Variants in GBE1 observed in about 807,000 individuals in gnomAD.
GBE1 encodes 1,4-alpha-glucan branching enzyme 1, also known as 1,4-alpha-glucan-branching enzyme.
Under a neutral mutation model 88.8 loss-of-function variants are expected in GBE1, and 70 were observed. The observed-to-expected ratio is 0.79, with a 90% CI of 0.65 to 0.96. The LOEUF (loss-of-function observed/expected upper bound fraction) is 0.96, where lower values mean the gene tolerates loss of function less well. GBE1 is among the 40% of genes least tolerant of loss of function. The probability of loss-of-function intolerance (pLI) is 0.00; values close to 1 mark genes in which losing one functional copy is unlikely to be tolerated. For synonymous variants in GBE1, 284 were observed against 300.1 expected (o/e 0.95, Z 0.56); for missense variants, 872 against 871.0 (o/e 1.00, Z -0.01).
intron 1 of GBE1, among the ~76,000 whole-genome samples, chr3:81,739,652 CACAATAAT>C (rs1706319151): frequency 6.6e-6 from 1 of 152,102 alleles, no homozygotes. Context: ...GCTTAGGTAA[CACAATAAT>C]GTGGTCACGG....
chr3:81,625,473 C>A (rs566756942), intron 7 of GBE1, among the ~76,000 whole-genome samples: 9 of 151,850 alleles, frequency 5.9e-5, no homozygotes, highest in Admixed American at 5.3e-4. Context: ...GTGTCTCACT[C>A]TGTTGCCCAG....
At chr3:81,678,147 G>C in intron 2 of GBE1, among the ~76,000 whole-genome samples, 1 of 152,170 alleles carries the variant, frequency 6.6e-6, no homozygotes. Context: ...CACCTTGGCT[G>C]TATGGTATAA....
At chr3:81,750,633 A>G (rs13067554) in intron 1 of GBE1, among the ~76,000 whole-genome samples, 1,166 of 41,928 alleles carry the variant, frequency 0.028, 75 homozygotes, top group East Asian at 0.17. Flanking sequence ...ATATATACGT[A>G]TATATATATA....
intron 1 of GBE1, among the ~76,000 whole-genome samples, chr3:81,754,904 G>T (rs1171169451): frequency 6.6e-6 from 1 of 152,034 alleles, no homozygotes; most frequent in African/African-American, 2.4e-5. Context: ...ATGCTCCAGG[G>T]CACTGGTCTC....
chr3:81,612,560 A>T, intron 7 of GBE1: 1 of 763,826 alleles, frequency 1.3e-6, no homozygotes, highest in Non-Finnish European at 2.3e-6. Flanking sequence ...ATGGTTGAGA[A>T]ATGTTGTTAC....
At chr3:81,514,900 T>C (rs1244069419) in intron 14 of GBE1, among the ~76,000 whole-genome samples, 1 of 151,506 alleles carries the variant, frequency 6.6e-6, no homozygotes, top group Non-Finnish European at 1.5e-5. Flanking sequence ...GAAGGAAAAG[T>C]AATATAACAT....
intron 7 of GBE1, among the ~76,000 whole-genome samples, chr3:81,630,784 G>A (rs954632887): frequency 1.3e-5 from 2 of 152,156 alleles, no homozygotes; most frequent in African/African-American, 4.8e-5. Flanking sequence ...TTGATTACAT[G>A]TTGAAATAAT....
chr3:81,514,052 G>C (rs902461350), intron 14 of GBE1, among the ~76,000 whole-genome samples: 1 of 151,626 alleles, frequency 6.6e-6, no homozygotes, highest in Non-Finnish European at 1.5e-5. Context: ...AAAAATGTTA[G>C]AAGTAGAGAA....
chr3:81,585,044 T>TA (rs1703783558), intron 10 of GBE1, among the ~76,000 whole-genome samples: 1 of 152,120 alleles, frequency 6.6e-6, no homozygotes, highest in Non-Finnish European at 1.5e-5. Context: ...AAGTAACAAA[T>TA]ACAAGGCTAC....
intron 13 of GBE1, among the ~76,000 whole-genome samples, chr3:81,536,063 G>A (rs1289625688): frequency 6.6e-6 from 1 of 151,796 alleles, no homozygotes; most frequent in African/African-American, 2.4e-5. Context: ...GAGTAAACAG[G>A]GTGCCTTTTG....
chr3:81,714,196 G>C (rs1705909467), intron 1 of GBE1, among the ~76,000 whole-genome samples: 1 of 152,096 alleles, frequency 6.6e-6, no homozygotes, highest in African/African-American at 2.4e-5. Context: ...TACAATACTG[G>C]CACATAAGTT....
chr3:81,713,421 G>GTCTGCAA (rs1392716029), intron 1 of GBE1, among the ~76,000 whole-genome samples: 4 of 152,252 alleles, frequency 2.6e-5, no homozygotes, highest in African/African-American at 9.6e-5. Context: ...GAAAAAGATT[G>GTCTGCAA]TCTGCAATCA....
At chr3:81,739,822 A>G (rs905893213) in intron 1 of GBE1, among the ~76,000 whole-genome samples, 2 of 152,122 alleles carry the variant, frequency 1.3e-5, no homozygotes, top group African/African-American at 4.8e-5. Context: ...ATTTCTGCTA[A>G]TTTTCTTACA....
At chr3:81,665,223 C>G (rs1026377181) in intron 3 of GBE1, among the ~76,000 whole-genome samples, 1 of 152,024 alleles carries the variant, frequency 6.6e-6, no homozygotes, top group African/African-American at 2.4e-5. Context: ...ATGAAAATTA[C>G]TAGATTGATG....
intron 7 of GBE1, among the ~76,000 whole-genome samples, chr3:81,621,455 T>C (rs1704332250): frequency 6.6e-6 from 1 of 152,148 alleles, no homozygotes; most frequent in Non-Finnish European, 1.5e-5. Context: ...CCTCCTGGCT[T>C]TCAAAGAGCC....
chr3:81,502,722 ACTCC>A (rs1203592569), intron 14 of GBE1, among the ~76,000 whole-genome samples: 1 of 151,712 alleles, frequency 6.6e-6, no homozygotes, highest in Admixed American at 6.6e-5. Flanking sequence ...TCACTTGGGT[ACTCC>A]CTCACTCTCT....
intron 12 of GBE1, among the ~76,000 whole-genome samples, chr3:81,554,525 C>T (rs1171317992): frequency 6.6e-6 from 1 of 152,112 alleles, no homozygotes; most frequent in South Asian, 2.1e-4. Context: ...GATATGCTAC[C>T]GCTAAGTCAG....
intron 1 of GBE1, among the ~76,000 whole-genome samples, chr3:81,742,425 T>A (rs1706362055): frequency 1.3e-5 from 2 of 152,120 alleles, no homozygotes; most frequent in African/African-American, 4.8e-5. Flanking sequence ...CATAAATAAC[T>A]GAAACAGATT....
chr3:81,750,581 A>G (rs1448600683), intron 1 of GBE1, among the ~76,000 whole-genome samples: 9 of 58,614 alleles, frequency 1.5e-4, no homozygotes, highest in East Asian at 3.4e-3. Flanking sequence ...ATATACGTAT[A>G]TATATACGTA....
Sources: allele counts gnomAD v4.1 joint callset (sites outside exome capture counted in the v4.1 genomes callset), GRCh38; gene constraint gnomAD v4.1.1; transcripts MANE v1.5; gene names NCBI Gene and HGNC (gene_info 2026-07-23, HGNC 2026-07-21).